ADAMTS3: variants seen among roughly 807,000 people sequenced by gnomAD.
ADAMTS3 encodes ADAM metallopeptidase with thrombospondin type 1 motif 3.
A neutral mutation model predicts 129.0 loss-of-function variants in ADAMTS3; 73 were observed. The observed-to-expected ratio is 0.57, with a 90% CI of 0.47 to 0.69. ADAMTS3 has a LOEUF of 0.69. Ranked by LOEUF, ADAMTS3 falls within the 30% of genes least tolerant of loss-of-function variation. ADAMTS3 has a pLI of 0.00. For synonymous variants in ADAMTS3, 477 were observed against 510.8 expected (o/e 0.93, Z 0.89); for missense variants, 1,457 against 1,514.5 (o/e 0.96, Z 0.63).
chr4:72,482,235 G>A (rs1215482681), intron 3 of ADAMTS3, among the ~76,000 whole-genome samples: 1 of 151,922 alleles, frequency 6.6e-6, no homozygotes, highest in East Asian at 1.9e-4. Context: ...GGTCACAACA[G>A]CCAAAAATTG....
At chr4:72,376,358 A>G (rs1721133600) in intron 4 of ADAMTS3, among the ~76,000 whole-genome samples, 1 of 152,182 alleles carries the variant, frequency 6.6e-6, no homozygotes, top group South Asian at 2.1e-4. Flanking sequence ...TTCTTTTATA[A>G]GGGCACTAAT....
intron 3 of ADAMTS3, among the ~76,000 whole-genome samples, chr4:72,502,787 G>A (rs538691969): frequency 6.6e-6 from 1 of 152,012 alleles, no homozygotes; most frequent in East Asian, 1.9e-4. Flanking sequence ...TGTTACATAG[G>A]TATACACTTG....
At chr4:72,516,127 G>C (rs1013990060) in intron 3 of ADAMTS3, among the ~76,000 whole-genome samples, 28 of 152,194 alleles carry the variant, frequency 1.8e-4, no homozygotes, top group African/African-American at 6.5e-4. Context: ...TCTCAGGTTT[G>C]TCTAAGATCA....
chr4:72,300,857 T>C (rs188589866), intron 17 of ADAMTS3, among the ~76,000 whole-genome samples: 2 of 152,204 alleles, frequency 1.3e-5, no homozygotes, highest in East Asian at 3.9e-4. Flanking sequence ...TGGGGAACAA[T>C]CATCTGAGGC....
At chr4:72,314,471 A>G (rs1719336775) in intron 11 of ADAMTS3, among the ~76,000 whole-genome samples, 1 of 152,200 alleles carries the variant, frequency 6.6e-6, no homozygotes, top group Admixed American at 6.5e-5. Flanking sequence ...AGAGGCACCT[A>G]GCTTACAGTG....
intron 3 of ADAMTS3, among the ~76,000 whole-genome samples, chr4:72,501,518 CAG>C (rs1720021460): frequency 6.6e-6 from 1 of 152,048 alleles, no homozygotes; most frequent in African/African-American, 2.4e-5. Flanking sequence ...AGCTTTTTGA[CAG>C]AGTCTTTAGG....
At chr4:72,288,949 CACACACACACACACACACAA>C in intron 20 of ADAMTS3, 81 bp from the exon 21 acceptor site, 1 of 751,752 alleles carries the variant, frequency 1.3e-6, no homozygotes, top group South Asian at 1.6e-5. Flanking sequence ...CACACACACA[CACACACACACACACACACAA>C]AGACACAGAG....
At chr4:72,367,617 G>A (rs979918561) in intron 4 of ADAMTS3, among the ~76,000 whole-genome samples, 4 of 152,086 alleles carry the variant, frequency 2.6e-5, no homozygotes, top group African/African-American at 9.7e-5. Context: ...TTGGGAGGCC[G>A]AGGCAGGCGG....
In ADAMTS3 at chr4:72,568,881, G is replaced by GA. The variant is rs1302674697; in HGVS notation, c.-120dup. ...AGGAAAAGGGAAAAAATGCGAAATA[G>GA]AAAAAAATGATCTTCTGTGCTTTGC... On this transcript the variant is annotated 5_prime_UTR_variant, in exon 1 of 22. Transcript: ENST00000286657. The GA allele has an allele frequency of 8.8e-6, 6 of 681,022 alleles. No individual in the cohort carries two copies. Among genetic ancestry groups the GA allele is most frequent in the South Asian group, 5.5e-5 (3 of 54,856 alleles). The allele number at this position is 681,022 out of a possible 1,614,324, so 42.2% of individuals were successfully genotyped here. A position where few individuals can be genotyped will look rare whatever the true frequency, so the allele number is the denominator to read the frequency against.
intron 4 of ADAMTS3, among the ~76,000 whole-genome samples, chr4:72,346,065 CA>C (rs753822805): frequency 5.3e-4 from 80 of 152,198 alleles, no homozygotes; most frequent in South Asian, 1.0e-3. Flanking sequence ...CATATCCTGC[CA>C]TTCTTGGTGT....
At chr4:72,283,830 C>A in intron 21 of ADAMTS3, 126 bp from the exon 22 acceptor site, 1 of 709,866 alleles carries the variant, frequency 1.4e-6, no homozygotes, top group South Asian at 2.4e-5. Context: ...CGGGAGTGAT[C>A]CACACGAGCT....
At chr4:72,484,410 C>T (rs1374512312) in intron 3 of ADAMTS3, among the ~76,000 whole-genome samples, 1 of 152,142 alleles carries the variant, frequency 6.6e-6, no homozygotes, top group Non-Finnish European at 1.5e-5. Context: ...ATGTCTTACT[C>T]AAATATTCCC....
At chr4:72,525,668 C>G (rs1364535311) in intron 3 of ADAMTS3, among the ~76,000 whole-genome samples, 1 of 152,154 alleles carries the variant, frequency 6.6e-6, no homozygotes, top group African/African-American at 2.4e-5. Flanking sequence ...TTTTCCTAGG[C>G]TTTGCTCAAA....
chr4:72,285,752 T>A (rs1433536928), intron 21 of ADAMTS3, among the ~76,000 whole-genome samples: 3 of 129,374 alleles, frequency 2.3e-5, no homozygotes, highest in South Asian at 2.4e-4. Context: ...TACTGATAAA[T>A]GAGAAGAGCT....
At chr4:72,515,612 C>T (rs1215355388) in intron 3 of ADAMTS3, among the ~76,000 whole-genome samples, 5 of 150,222 alleles carry the variant, frequency 3.3e-5, no homozygotes, top group African/African-American at 7.4e-5. Context: ...TTTCATGTGT[C>T]TTTTGGCTGC....
rs1308069725 is a variant in ADAMTS3, at chr4:72,320,803, T to A, written c.1013A>T (p.Gln338Leu). Residue 338 changes from glutamine to leucine, a missense_variant, in exon 7 of 22, where the codon CAA becomes CTA. By Grantham distance (113) the Gln-to-Leu change is moderately radical (BLOSUM62 -2). Transcript: ENST00000286657. ...SLENVCRWAS[Q>L]QQRSDLNHSE... ...GTGGTTGAGATCAGATCTTTGCTGT[T>A]GGGACGCCCAGCGACACACATTCTC... The A allele has an allele frequency of 1.2e-6, 2 of 1,614,034 alleles. No homozygotes were observed. The highest frequency in any genetic ancestry group is 4.5e-5 in the East Asian group (2 of 44,854).
chr4:72,321,395 C>T (rs1042549294), intron 6 of ADAMTS3, among the ~76,000 whole-genome samples: 4 of 151,610 alleles, frequency 2.6e-5, no homozygotes, highest in Non-Finnish European at 5.9e-5. Context: ...GTTGGCCAGG[C>T]TGGTCACAAA....
chr4:72,289,474 G>A (rs886337971), intron 20 of ADAMTS3, among the ~76,000 whole-genome samples: 1 of 152,154 alleles, frequency 6.6e-6, no homozygotes, highest in South Asian at 2.1e-4. Flanking sequence ...CTAAAACTAA[G>A]CTCAGAAAGT....
intron 3 of ADAMTS3, among the ~76,000 whole-genome samples, chr4:72,453,593 T>G (rs143030807): frequency 0.012 from 1,866 of 151,790 alleles, 10 homozygotes; most frequent in Middle Eastern, 0.02. Context: ...CTAGTAAAGA[T>G]TTAAAATTAG....
Sources: allele counts gnomAD v4.1 joint callset (sites outside exome capture counted in the v4.1 genomes callset), GRCh38; gene constraint gnomAD v4.1.1; transcripts MANE v1.5; gene names NCBI Gene and HGNC (gene_info 2026-07-23, HGNC 2026-07-21).